Variants in ALK observed in about 807,000 individuals in gnomAD.
ALK encodes the protein ALK receptor tyrosine kinase, also known as ALK tyrosine kinase receptor.
ALK carries 74 observed loss-of-function variants against 163.1 expected under a neutral mutation model. The observed-to-expected ratio is 0.45, with a 90% CI of 0.38 to 0.55. The LOEUF is 0.55. ALK is among the 20% of genes least tolerant of loss of function. The pLI is 0.00. For missense variants in ALK, 2,063 were observed against 2,105.3 expected (o/e 0.98, Z 0.39); for synonymous variants, 960 against 843.2 (o/e 1.14, Z -2.40).
At chr2:29,871,652 A>G (rs1666579004) in intron 1 of ALK, among the ~76,000 whole-genome samples, 1 of 152,192 alleles carries the variant, frequency 6.6e-6, no homozygotes, top group South Asian at 2.1e-4. Context: ...GCTTAAAAAG[A>G]GCTTTGGACA....
At chr2:29,530,932 C>G (rs780169105) in intron 4 of ALK, among the ~76,000 whole-genome samples, 1 of 152,204 alleles carries the variant, frequency 6.6e-6, no homozygotes, top group Non-Finnish European at 1.5e-5. Flanking sequence ...CTTCTAAGTG[C>G]AACTAAATAC....
At chr2:29,844,588 C>T (rs1471682147) in intron 1 of ALK, among the ~76,000 whole-genome samples, 1 of 151,916 alleles carries the variant, frequency 6.6e-6, no homozygotes, top group Non-Finnish European at 1.5e-5. Flanking sequence ...TATTAGATTC[C>T]CAAAGGAGTT....
At chr2:29,429,646 G>A (rs1424255266) in intron 4 of ALK, among the ~76,000 whole-genome samples, 1 of 152,010 alleles carries the variant, frequency 6.6e-6, no homozygotes, top group Non-Finnish European at 1.5e-5. Flanking sequence ...TTAGGATGAT[G>A]ATAATCCCTA....
At chr2:29,693,939 C>G (rs1322101626) in intron 3 of ALK, among the ~76,000 whole-genome samples, 1 of 152,216 alleles carries the variant, frequency 6.6e-6, no homozygotes, top group Admixed American at 6.5e-5. Context: ...TCCAATGAGA[C>G]AGCGTAGGTG....
rs529043222 is a variant in ALK, at chr2:29,220,295, T to C, written c.3645+411A>G. Among the ~76,000 whole-genome samples the C allele has an allele frequency of 5.1e-4, 77 of 152,280 alleles. No individual in the cohort carries two copies. The South Asian group carries it at 7.0e-3, about 14-fold the overall frequency. Reference sequence around the variant, plus strand: ...AGCGCTTCCCCCTTCATTCTGCTCCTGCCATGTAAGACGTGCCTCCTTCCC... The same window carrying C: ...AGCGCTTCCCCCTTCATTCTGCTCCCGCCATGTAAGACGTGCCTCCTTCCC... On this transcript the variant is annotated intron_variant, in intron 23 of 28. Coordinates refer to ENST00000389048, the MANE Select transcript of ALK (RefSeq NM_004304.5).
chr2:29,649,632 C>G (rs1220587505), intron 3 of ALK, among the ~76,000 whole-genome samples: 1 of 152,122 alleles, frequency 6.6e-6, no homozygotes, highest in African/African-American at 2.4e-5. Flanking sequence ...ATTCAACTAA[C>G]TACACTGTTC....
chr2:29,501,717 C>T (rs192097477), intron 4 of ALK, among the ~76,000 whole-genome samples: 2 of 152,280 alleles, frequency 1.3e-5, no homozygotes, highest in Non-Finnish European at 2.9e-5. Flanking sequence ...TATACCAGCT[C>T]AACCATTTAA....
chr2:29,283,141 C>T (rs1484295148), intron 9 of ALK, among the ~76,000 whole-genome samples: 1 of 152,160 alleles, frequency 6.6e-6, no homozygotes, highest in East Asian at 1.9e-4. Flanking sequence ...GCCTCTTGGG[C>T]CCCTGCCATT....
At chr2:29,547,512 G>T (rs780823584) in intron 3 of ALK, among the ~76,000 whole-genome samples, 2 of 152,176 alleles carry the variant, frequency 1.3e-5, no homozygotes, top group Non-Finnish European at 2.9e-5. Context: ...CAGGAGAATC[G>T]CTTGAACCAG....
At chr2:29,880,844 CTT>C (rs958605273) in intron 1 of ALK, among the ~76,000 whole-genome samples, 1 of 152,192 alleles carries the variant, frequency 6.6e-6, no homozygotes, top group African/African-American at 2.4e-5. Context: ...TTTGTGGCCA[CTT>C]TCTCATTCTT....
chr2:29,842,598 A>T (rs982697659), intron 1 of ALK, among the ~76,000 whole-genome samples: 1 of 152,244 alleles, frequency 6.6e-6, no homozygotes, highest in Non-Finnish European at 1.5e-5. Flanking sequence ...GACTCTGGAC[A>T]GTTCTCAATT....
At chr2:29,544,430 A>T (rs778562741) in intron 3 of ALK, among the ~76,000 whole-genome samples, 21 of 152,186 alleles carry the variant, frequency 1.4e-4, no homozygotes, top group Admixed American at 1.2e-3. Flanking sequence ...GGAATATAAA[A>T]TGAAACATTT....
chr2:29,399,446 C>A (rs1328402071), intron 4 of ALK, among the ~76,000 whole-genome samples: 2 of 152,212 alleles, frequency 1.3e-5, no homozygotes, highest in African/African-American at 4.8e-5. Flanking sequence ...CTTACAGCCA[C>A]CCTGGGCAAA....
intron 9 of ALK, among the ~76,000 whole-genome samples, chr2:29,291,355 C>T (rs1272383400): frequency 6.6e-6 from 1 of 151,994 alleles, no homozygotes; most frequent in African/African-American, 2.4e-5. Flanking sequence ...CAGAGTGAGG[C>T]CTTGTCTCTA....
chr2:29,490,635 C>T (rs1211312803), intron 4 of ALK, among the ~76,000 whole-genome samples: 1 of 152,046 alleles, frequency 6.6e-6, no homozygotes, highest in Non-Finnish European at 1.5e-5. Context: ...TAAATCAGGC[C>T]CTTGGATTTT....
chr2:29,769,450 C>G (rs1680956109), intron 1 of ALK, among the ~76,000 whole-genome samples: 1 of 152,156 alleles, frequency 6.6e-6, no homozygotes. Flanking sequence ...CAGAAGTTGG[C>G]TCCCTGTGGT....
At chr2:29,916,133 G>T (rs1667827285) in intron 1 of ALK, among the ~76,000 whole-genome samples, 1 of 152,224 alleles carries the variant, frequency 6.6e-6, no homozygotes, top group Non-Finnish European at 1.5e-5. Flanking sequence ...AATTAGGAAT[G>T]CTGGGACTTG....
At chr2:29,403,707 TACA>T in intron 4 of ALK, among the ~76,000 whole-genome samples, 1 of 17,218 alleles carries the variant, frequency 5.8e-5, no homozygotes, top group South Asian at 3.8e-3. Flanking sequence ...GACAGGTCTC[TACA>T]AAAAAAAAAA....
chr2:29,281,373 C>T lies in ALK; in HGVS notation c.1818-5877G>A, dbSNP rs192477124. Among the ~76,000 whole-genome samples the T allele has an allele frequency of 5.3e-4, 80 of 152,284 alleles. 1 individual carries two copies. The highest frequency in any genetic ancestry group is 1.7e-3 in the African/African-American group (70 of 41,572). ...GCAGCCTGGTCAAGGAGAAGGGAAG[C>T]GTTAGCCCTTTGGGGTTCCTTCCAC... On this transcript the variant is annotated intron_variant, in intron 9 of 28. Transcript: ENST00000389048.
Sources: gnomAD v4.1 joint callset for allele counts (sites outside exome capture counted in the v4.1 genomes callset) on GRCh38, gnomAD v4.1.1 for gene constraint, MANE v1.5 for transcripts, NCBI Gene and HGNC (gene_info 2026-07-23, HGNC 2026-07-21) for gene names.